Variants in ADAMTS20 observed in about 807,000 individuals in gnomAD.
ADAMTS20 encodes ADAM metallopeptidase with thrombospondin type 1 motif 20.
Under a neutral mutation model 260.1 loss-of-function variants are expected in ADAMTS20, and 225 were observed. That is an observed-to-expected ratio of 0.87 (90% CI 0.78 to 0.97). ADAMTS20 has a LOEUF of 0.97. Ranked by LOEUF, ADAMTS20 falls within the 50% of genes least tolerant of loss-of-function variation. The probability of loss-of-function intolerance (pLI) is 0.00; values close to 1 mark genes in which losing one functional copy is unlikely to be tolerated. For synonymous variants in ADAMTS20, 802 were observed against 769.5 expected, an observed-to-expected ratio of 1.04 and a Z score of -0.70; for missense variants, 2,400 against 2,337.7, an observed-to-expected ratio of 1.03 and a Z score of -0.55.
At chr12:43,463,073 A>G in intron 10 of ADAMTS20, 74 bp from the exon 11 acceptor site, 1 of 1,001,790 alleles carries the variant, frequency 1.0e-6, no homozygotes, top group Non-Finnish European at 1.5e-6. Flanking sequence ...AGTATTACAC[A>G]TTGATTTATA....
At chr12:43,398,488 A>G (rs1247424012) in intron 29 of ADAMTS20, among the ~76,000 whole-genome samples, 1 of 152,040 alleles carries the variant, frequency 6.6e-6, no homozygotes. Context: ...ATCTCTGACA[A>G]CTTCCTAACT....
intron 37 of ADAMTS20, among the ~76,000 whole-genome samples, chr12:43,367,181 G>A (rs1032776994): frequency 5.3e-5 from 8 of 151,626 alleles, no homozygotes; most frequent in African/African-American, 7.3e-5. Flanking sequence ...GAAAAAACAC[G>A]TCCCGCTACA....
chr12:43,356,664 CAAGGG>C, intron 37 of ADAMTS20, 76 bp from the exon 38 acceptor site: 1 of 993,064 alleles, frequency 1.0e-6, no homozygotes, highest in Non-Finnish European at 1.5e-6. Context: ...TTCTCAATTG[CAAGGG>C]GCAACTGAAT....
intron 6 of ADAMTS20, among the ~76,000 whole-genome samples, chr12:43,492,118 C>T (rs1202124497): frequency 1.3e-5 from 2 of 152,152 alleles, no homozygotes; most frequent in African/African-American, 4.8e-5. Context: ...CGGTGGCTCA[C>T]GCCTGTAATC....
chr12:43,434,602 T>A (rs566684085), intron 18 of ADAMTS20, among the ~76,000 whole-genome samples: 1 of 152,236 alleles, frequency 6.6e-6, no homozygotes, highest in Non-Finnish European at 1.5e-5. Context: ...GTACAGAAGA[T>A]GGGACAGGCA....
In ADAMTS20 at chr12:43,439,642, C is replaced by T. The variant is rs1281777715; in HGVS notation, c.2573G>A (p.Gly858Asp). 7 of 1,609,478 alleles carry T rather than the reference C, an allele frequency of 4.3e-6. No individual in the cohort carries two copies. The highest frequency in any genetic ancestry group is 5.9e-6 in the Non-Finnish European group (7 of 1,178,680). Residue 858 changes from glycine (G) to aspartate (D), a missense_variant, in exon 18 of 39, where the codon GGC (glycine) becomes GAC (aspartate). Gly to Asp is a moderately conservative substitution (Grantham distance 94). Transcript: ENST00000389420. The stretch of plus-strand genomic sequence containing the variant: ...CGTACCTTGACACATTTTGGTACAG[C>T]CTTCCCATGGTCCATAGGGGTCCCA... Reference protein sequence around the residue: ...FTWDPYGPWEGCTKMCQGLQR... With the variant: ...FTWDPYGPWEDCTKMCQGLQR...
At chr12:43,482,572 C>G in intron 7 of ADAMTS20, among the ~76,000 whole-genome samples, 1 of 152,150 alleles carries the variant, frequency 6.6e-6, no homozygotes, top group East Asian at 1.9e-4. Flanking sequence ...GAACATTACT[C>G]CAGCAGCCAG....
At chr12:43,354,382 A>T in intron 38 of ADAMTS20, 84 bp from the exon 39 acceptor site, 1 of 950,700 alleles carries the variant, frequency 1.1e-6, no homozygotes, top group South Asian at 1.5e-5. Flanking sequence ...AATGCTTTGA[A>T]TCATATGGCT....
intron 2 of ADAMTS20, among the ~76,000 whole-genome samples, chr12:43,538,595 C>A (rs1336531196): frequency 6.6e-6 from 1 of 152,102 alleles, no homozygotes; most frequent in Non-Finnish European, 1.5e-5. Flanking sequence ...TTTTGCCCAG[C>A]CCAATGTCCT....
At chr12:43,410,581 A>G (rs962768813) in intron 28 of ADAMTS20, among the ~76,000 whole-genome samples, 1 of 152,230 alleles carries the variant, frequency 6.6e-6, no homozygotes, top group Admixed American at 6.5e-5. Context: ...CAACCTCTAT[A>G]AAAGGGAGTC....
At chr12:43,361,006 T>G (rs955602181) in intron 37 of ADAMTS20, among the ~76,000 whole-genome samples, 3 of 152,254 alleles carry the variant, frequency 2.0e-5, no homozygotes, top group Non-Finnish European at 4.4e-5. Context: ...TTTTTGTGGC[T>G]TTGCAAAAAG....
intron 28 of ADAMTS20, among the ~76,000 whole-genome samples, chr12:43,404,646 T>C (rs1411872113): frequency 1.3e-5 from 2 of 152,200 alleles, no homozygotes; most frequent in African/African-American, 4.8e-5. Flanking sequence ...TGAAGATATA[T>C]ATATTTGTTT....
chr12:43,466,324 A>C (rs749355375), intron 9 of ADAMTS20, among the ~76,000 whole-genome samples: 6 of 151,988 alleles, frequency 3.9e-5, no homozygotes, highest in African/African-American at 7.2e-5. Context: ...AAAAATTCAA[A>C]AACACATAAG....
intron 35 of ADAMTS20, 59 bp from the exon 36 acceptor site, chr12:43,375,571 A>T: frequency 6.4e-7 from 1 of 1,564,500 alleles, no homozygotes; most frequent in Non-Finnish European, 8.7e-7. Context: ...TAATGTAGAC[A>T]AACTTTGGGA....
chr12:43,518,360 T>C (rs974111234), intron 3 of ADAMTS20, among the ~76,000 whole-genome samples: 4 of 152,130 alleles, frequency 2.6e-5, no homozygotes, highest in Non-Finnish European at 4.4e-5. Flanking sequence ...AGCCAACTAA[T>C]CAGTCCTACC....
chr12:43,499,711 G>A (rs1412699598), intron 4 of ADAMTS20, among the ~76,000 whole-genome samples: 1 of 151,996 alleles, frequency 6.6e-6, no homozygotes, highest in South Asian at 2.1e-4. Context: ...CACCATGTTG[G>A]CCAGGATGGT....
chr12:43,477,573 C>T (rs1172728490), intron 7 of ADAMTS20, among the ~76,000 whole-genome samples: 1 of 152,172 alleles, frequency 6.6e-6, no homozygotes, highest in Non-Finnish European at 1.5e-5. Context: ...GCCTAGCTCA[C>T]ATGACTAGTG....
chr12:43,509,346 A>T lies in ADAMTS20; in HGVS notation c.614-6941T>A, dbSNP rs998662714. Among the ~76,000 whole-genome samples, 15 of 152,206 alleles carry T rather than the reference A, an allele frequency of 9.9e-5. No homozygotes were observed. The East Asian group carries it at 1.7e-3, about 18-fold the overall frequency. ...TTGTTATTGATATTGTTATCAATAT[A>T]AATATTGATAATGTTATCAATACAG... On this transcript the variant is annotated intron_variant, in intron 3 of 38. Coordinates refer to ENST00000389420, the MANE Select transcript of ADAMTS20 (RefSeq NM_025003.5).
chr12:43,360,166 C>T (rs184261321), intron 37 of ADAMTS20, among the ~76,000 whole-genome samples: 20 of 152,104 alleles, frequency 1.3e-4, no homozygotes, highest in African/African-American at 4.6e-4. Flanking sequence ...CACATATCAC[C>T]GGCCGGGCAC....
Sources: gnomAD v4.1 joint callset for allele counts (sites outside exome capture counted in the v4.1 genomes callset) on GRCh38, gnomAD v4.1.1 for gene constraint, MANE v1.5 for transcripts, NCBI Gene and HGNC (gene_info 2026-07-23, HGNC 2026-07-21) for gene names.